The following SGMS1 variants were observed in gnomAD, a reference collection of about 807,000 sequenced individuals.
SGMS1 encodes sphingomyelin synthase 1.
A neutral mutation model predicts 46.2 loss-of-function variants in SGMS1; 13 were observed. That is an observed-to-expected ratio of 0.28 (90% CI 0.18 to 0.45). The LOEUF is 0.45. SGMS1 is among the 20% of genes least tolerant of loss of function. SGMS1 has a pLI of 1.00. For missense variants in SGMS1, 324 were observed against 519.9 expected, an observed-to-expected ratio of 0.62 and a Z score of 3.66; for synonymous variants, 203 against 187.8, an observed-to-expected ratio of 1.08 and a Z score of -0.66.
At chr10:50,483,174 G>A (rs1837491842) in intron 3 of SGMS1, among the ~76,000 whole-genome samples, 1 of 152,156 alleles carries the variant, frequency 6.6e-6, no homozygotes, top group Admixed American at 6.6e-5. Context: ...CTGCCTCCTG[G>A]GTTCAAGCGA....
rs917476154 is a variant in SGMS1, at chr10:50,344,207, G to A, written c.-93C>T. 18 of 1,479,930 alleles carry A rather than the reference G, an allele frequency of 1.2e-5. No homozygotes were observed. The highest frequency in any genetic ancestry group is 1.5e-5 in the Non-Finnish European group (17 of 1,117,178). 91.7% of individuals were successfully genotyped at this position (1,479,930 alleles called of 1,614,324 possible). ...GCAGGACACTGTCCTGCCTCGGCTCGTTCATCCTGTGGGGCCTCATGAGCA... is the reference window on the plus strand; with the variant it reads ...GCAGGACACTGTCCTGCCTCGGCTCATTCATCCTGTGGGGCCTCATGAGCA... On this transcript the variant is annotated 5_prime_UTR_variant, in exon 7 of 11. In the 5' UTR this introduces an upstream ATG that the reference lacks. Coordinates refer to ENST00000361781, the MANE Select transcript of SGMS1 (RefSeq NM_147156.4).
At chr10:50,589,924 G>T (rs962933054) in intron 2 of SGMS1, among the ~76,000 whole-genome samples, 8 of 152,190 alleles carry the variant, frequency 5.3e-5, no homozygotes, top group Non-Finnish European at 7.3e-5. Context: ...TTATTTGTAA[G>T]AGCTGCATCC....
At chr10:50,356,062 C>T (rs569243173) in intron 6 of SGMS1, among the ~76,000 whole-genome samples, 49 of 152,286 alleles carry the variant, frequency 3.2e-4, no homozygotes, top group Non-Finnish European at 5.7e-4. Flanking sequence ...GGGAGGTGTA[C>T]CCAACAGCTC....
chr10:50,445,977 A>G (rs1200722924), intron 5 of SGMS1, among the ~76,000 whole-genome samples: 1 of 152,136 alleles, frequency 6.6e-6, no homozygotes, highest in African/African-American at 2.4e-5. Context: ...TTACGATTGT[A>G]GATAAGGGAA....
chr10:50,544,777 G>A lies in SGMS1; in HGVS notation c.-588-24856C>T, dbSNP rs1262688790. On this transcript the variant is annotated intron_variant, in intron 2 of 10. Transcript: ENST00000361781. The stretch of plus-strand genomic sequence containing the variant: ...TGCTAGGAAGTTCCTGAAGCACACA[G>A]CATTGGTCTCAGAAACTCGGTCCCA... Among the ~76,000 whole-genome samples the A allele has an allele frequency of 2.6e-5, 4 of 152,180 alleles. No homozygotes were observed. In the South Asian group the frequency reaches 8.3e-4, roughly 32 times the overall value.
At chr10:50,562,527 T>A (rs1838249566) in intron 2 of SGMS1, among the ~76,000 whole-genome samples, 1 of 152,052 alleles carries the variant, frequency 6.6e-6, no homozygotes, top group African/African-American at 2.4e-5. Flanking sequence ...CTCTTTTAAA[T>A]CACAGGCTAA....
At chr10:50,395,139 T>A (rs1848830312) in intron 6 of SGMS1, among the ~76,000 whole-genome samples, 1 of 152,138 alleles carries the variant, frequency 6.6e-6, no homozygotes, top group East Asian at 1.9e-4. Context: ...TCATACTGAT[T>A]TTGTGTGTGT....
At chr10:50,459,993 A>G (rs771547431) in intron 5 of SGMS1, 3 of 152,178 alleles carry the variant, frequency 2.0e-5, no homozygotes, top group Non-Finnish European at 4.4e-5. Context: ...GACTACAAAA[A>G]TCCTAAAGGA....
chr10:50,518,399 G>T (rs1391146156), intron 3 of SGMS1, among the ~76,000 whole-genome samples: 1 of 152,102 alleles, frequency 6.6e-6, no homozygotes, highest in East Asian at 1.9e-4. Context: ...GAAAAACAAA[G>T]ATTAGCAATA....
At chr10:50,341,869 T>C (rs1458881852) in intron 7 of SGMS1, among the ~76,000 whole-genome samples, 2 of 152,332 alleles carry the variant, frequency 1.3e-5, no homozygotes, top group East Asian at 3.9e-4. Context: ...TAATATACTT[T>C]AAGAAAATTA....
intron 3 of SGMS1, among the ~76,000 whole-genome samples, chr10:50,469,387 C>A (rs1023150841): frequency 5.3e-5 from 8 of 152,066 alleles, no homozygotes; most frequent in South Asian, 2.1e-4. Context: ...TCTGAGAGCA[C>A]CCTGGTGATC....
intron 2 of SGMS1, among the ~76,000 whole-genome samples, chr10:50,574,337 G>A (rs1838361548): frequency 6.6e-6 from 1 of 152,080 alleles, no homozygotes; most frequent in Non-Finnish European, 1.5e-5. Context: ...AATGAGCATT[G>A]AACAGACATA....
intron 2 of SGMS1, among the ~76,000 whole-genome samples, chr10:50,552,936 G>A (rs920072068): frequency 6.6e-6 from 1 of 152,172 alleles, no homozygotes; most frequent in African/African-American, 2.4e-5. Flanking sequence ...ACAAATCAAG[G>A]GAGGCTGACA....
chr10:50,499,367 G>T (rs1349061727), intron 3 of SGMS1, among the ~76,000 whole-genome samples: 1 of 152,156 alleles, frequency 6.6e-6, no homozygotes, highest in Non-Finnish European at 1.5e-5. Flanking sequence ...TGGCTCCTAA[G>T]AAGCACTTAA....
chr10:50,569,700 A>C (rs1046804740), intron 2 of SGMS1, among the ~76,000 whole-genome samples: 3 of 152,174 alleles, frequency 2.0e-5, no homozygotes, highest in African/African-American at 4.8e-5. Flanking sequence ...AATTTTTAAA[A>C]ATTTTTAAAG....
Position 50,343,478 on chromosome 10 carries a change from T to C in SGMS1, c.623+14A>G. 7 of 1,573,202 alleles carry C rather than the reference T, an allele frequency of 4.4e-6. No individual in the cohort carries two copies. The highest frequency in any genetic ancestry group is 6.0e-6 in the Non-Finnish European group (7 of 1,162,944). ...CCCATAATCATTGAATCTTAGAGCT[T>C]TTACTTGACTTACTTGTATTTTAAG... On this transcript the variant is annotated intron_variant, in intron 7 of 10. Coordinates refer to ENST00000361781, the MANE Select transcript of SGMS1 (RefSeq NM_147156.4).
chr10:50,548,993 G>C (rs1265198936), intron 2 of SGMS1, among the ~76,000 whole-genome samples: 1 of 152,154 alleles, frequency 6.6e-6, no homozygotes. Context: ...ACCACAATGA[G>C]ATACCAACTC....
At chr10:50,325,631 A>G (rs1847518645) in intron 8 of SGMS1, among the ~76,000 whole-genome samples, 1 of 152,244 alleles carries the variant, frequency 6.6e-6, no homozygotes, top group African/African-American at 2.4e-5. Context: ...CTCACCAAGT[A>G]TGGGCTTGCC....
chr10:50,614,481 G>C (rs568393245), intron 1 of SGMS1, among the ~76,000 whole-genome samples: 1 of 152,348 alleles, frequency 6.6e-6, no homozygotes, highest in African/African-American at 2.4e-5. Flanking sequence ...GGGCACTGCT[G>C]ATGGCAGTGG....
Sources: gnomAD v4.1 joint callset for allele counts (sites outside exome capture counted in the v4.1 genomes callset) on GRCh38, gnomAD v4.1.1 for gene constraint, MANE v1.5 for transcripts, NCBI Gene and HGNC (gene_info 2026-07-23, HGNC 2026-07-21) for gene names.